Variants in POU6F2 observed in about 807,000 individuals in gnomAD.
POU6F2 encodes the protein POU domain, class 6, transcription factor 2.
In POU6F2, 31 loss-of-function variants were observed where a neutral mutation model predicts 71.3. The ratio of observed to expected loss-of-function variants is 0.43; its 90% CI spans 0.33 to 0.59. The LOEUF is 0.59. POU6F2 is among the 20% of genes least tolerant of loss of function. The pLI, the probability that POU6F2 is intolerant of heterozygous loss-of-function variation, is 0.04. For synonymous variants in POU6F2, 347 were observed against 355.7 expected (o/e 0.98, Z 0.27); for missense variants, 783 against 856.8 (o/e 0.91, Z 1.07).
intron 4 of POU6F2, among the ~76,000 whole-genome samples, chr7:39,278,774 C>T (rs1293339735): frequency 6.6e-6 from 1 of 152,154 alleles, no homozygotes; most frequent in Non-Finnish European, 1.5e-5. Flanking sequence ...GGGATGTGTG[C>T]CTGTCACCAA....
intron 5 of POU6F2, among the ~76,000 whole-genome samples, chr7:39,351,994 A>G (rs1186185663): frequency 1.3e-5 from 2 of 152,178 alleles, no homozygotes; most frequent in South Asian, 4.1e-4. Context: ...CTGTTGGAGG[A>G]AAGACTCTCA....
At chr7:39,231,476 T>C (rs576701237) in intron 4 of POU6F2, among the ~76,000 whole-genome samples, 1 of 152,308 alleles carries the variant, frequency 6.6e-6, no homozygotes, top group Middle Eastern at 3.4e-3. Flanking sequence ...ATTATACCCT[T>C]TTATATATGA....
At chr7:39,140,346 T>G (rs1283023474) in intron 2 of POU6F2, among the ~76,000 whole-genome samples, 2 of 152,196 alleles carry the variant, frequency 1.3e-5, no homozygotes, top group Non-Finnish European at 2.9e-5. Flanking sequence ...CCAAAATGGC[T>G]AGGGCATAGG....
At chr7:39,213,520 A>C (rs1414509759) in intron 4 of POU6F2, among the ~76,000 whole-genome samples, 2 of 152,178 alleles carry the variant, frequency 1.3e-5, no homozygotes, top group Non-Finnish European at 2.9e-5. Context: ...AAAACATTTA[A>C]TTATCTCTAA....
chr7:39,438,516 C>G (rs1159483658), intron 7 of POU6F2, among the ~76,000 whole-genome samples: 3 of 152,338 alleles, frequency 2.0e-5, no homozygotes, highest in Middle Eastern at 3.4e-3. Context: ...GATACCATCT[C>G]ACACCAGTTA....
intron 4 of POU6F2, among the ~76,000 whole-genome samples, chr7:39,270,932 T>A (rs1381710169): frequency 6.6e-6 from 1 of 152,126 alleles, no homozygotes; most frequent in Non-Finnish European, 1.5e-5. Flanking sequence ...CAAGACCCCT[T>A]CCGCCTTGAG....
intron 5 of POU6F2, among the ~76,000 whole-genome samples, chr7:39,359,467 C>G (rs906081042): frequency 4.6e-5 from 7 of 152,086 alleles, no homozygotes; most frequent in Non-Finnish European, 8.8e-5. Flanking sequence ...GAACTGTAAA[C>G]AGCCTTTGTA....
At chr7:39,404,005 T>C (rs1787362380) in intron 5 of POU6F2, among the ~76,000 whole-genome samples, 1 of 152,186 alleles carries the variant, frequency 6.6e-6, no homozygotes, top group Admixed American at 6.5e-5. Context: ...CCTACTGGAA[T>C]GACGGTAGGA....
intron 4 of POU6F2, among the ~76,000 whole-genome samples, chr7:39,258,226 T>C (rs540546078): frequency 6.6e-6 from 1 of 152,374 alleles, no homozygotes; most frequent in East Asian, 1.9e-4. Flanking sequence ...TATTTTTTTA[T>C]TGATTTGTCT....
intron 1 of POU6F2, among the ~76,000 whole-genome samples, chr7:39,045,196 C>T (rs1329574058): frequency 2.6e-5 from 4 of 151,966 alleles, no homozygotes; most frequent in Non-Finnish European, 1.5e-5. Flanking sequence ...ATCGCGAATT[C>T]GCATCCCGTA....
rs575830992 is a variant in POU6F2, at chr7:39,134,984, G to A, written c.277+48953G>A. Among the ~76,000 whole-genome samples the A allele has an allele frequency of 9.9e-5, 15 of 152,036 alleles. No individual in the cohort carries two copies. In the South Asian group the frequency reaches 3.1e-3, roughly 32 times the overall value. ...ATAGGCAATAACCTTAAAAAGTTATGAAGAGAACAATAAAAGAAAATGTAT... is the reference window on the plus strand; with the variant it reads ...ATAGGCAATAACCTTAAAAAGTTATAAAGAGAACAATAAAAGAAAATGTAT... On this transcript the variant is annotated intron_variant, in intron 2 of 9. Coordinates refer to ENST00000518318, the MANE Select transcript of POU6F2 (RefSeq NM_001370959.1).
intron 5 of POU6F2, among the ~76,000 whole-genome samples, chr7:39,372,099 T>C (rs1786624655): frequency 6.6e-6 from 1 of 152,156 alleles, no homozygotes; most frequent in Non-Finnish European, 1.5e-5. Context: ...TTTAAAATTT[T>C]TTGTAGGAAT....
chr7:39,440,795 G>A (rs1472941861), intron 7 of POU6F2, among the ~76,000 whole-genome samples: 1 of 152,112 alleles, frequency 6.6e-6, no homozygotes, highest in African/African-American at 2.4e-5. Flanking sequence ...TTTTTTCATT[G>A]ATTCTTTCTC....
At chr7:39,104,625 G>C (rs1482295805) in intron 2 of POU6F2, among the ~76,000 whole-genome samples, 1 of 152,198 alleles carries the variant, frequency 6.6e-6, no homozygotes, top group Non-Finnish European at 1.5e-5. Flanking sequence ...AGCCTTGGAA[G>C]TCAACAGCAT....
chr7:39,460,682 AG>A lies in POU6F2; in HGVS notation c.1628del (p.Gly543AlafsTer15). ...TQVGQALSAT[E>X]GPAYSQSAIC... Reference sequence around the variant, plus strand: ...GTGGGACAGGCTCTCAGTGCTACAGAGGGCCCCGCGTACAGCCAGTCGGCCA... The same window carrying A: ...GTGGGACAGGCTCTCAGTGCTACAGAGGCCCCGCGTACAGCCAGTCGGCCA... On this transcript the variant is annotated frameshift_variant, in exon 9 of 10. Coordinates refer to ENST00000518318, the MANE Select transcript of POU6F2 (RefSeq NM_001370959.1). LOFTEE classifies it high-confidence loss of function. The surrounding 1 kb of genome is among the most constrained non-coding windows in gnomAD (Gnocchi z 4.4). 6.2e-7 allele frequency: 1 copy of A among 1,608,030 alleles called. No individual in the cohort carries two copies. Among genetic ancestry groups the A allele is most frequent in the Non-Finnish European group, 8.5e-7 (1 of 1,177,212 alleles).
chr7:38,997,604 C>G (rs112575804), intron 1 of POU6F2, among the ~76,000 whole-genome samples: 24 of 152,230 alleles, frequency 1.6e-4, no homozygotes, highest in Admixed American at 6.5e-4. Context: ...GGGATTACCC[C>G]CTATGTAGAT....
chr7:39,017,689 A>G (rs989157202), intron 1 of POU6F2, among the ~76,000 whole-genome samples: 5 of 152,086 alleles, frequency 3.3e-5, no homozygotes, highest in African/African-American at 1.2e-4. Context: ...CAGTTCCTCA[A>G]ACATTCCAAG....
chr7:39,460,628 G>A lies in POU6F2; in HGVS notation c.1571G>A (p.Arg524His), dbSNP rs753589700. The A allele has an allele frequency of 1.2e-6, 2 of 1,610,520 alleles. No individual in the cohort carries two copies. The highest frequency in any genetic ancestry group is 1.7e-6 in the Non-Finnish European group (2 of 1,178,366). The change falls in exon 9 of 10, where the codon CGC (arginine) becomes CAC (histidine). Residue 524 changes from arginine to histidine, a missense_variant. Transcript: ENST00000518318. This position sits in a 1 kb window ranked among gnomAD's most constrained non-coding sequence, Gnocchi z 4.4. ...REFAKAFKIR[R>H]LSLGLTQTQV... ...TTTGCCAAAGCTTTTAAAATCCGGC[G>A]CCTGTCCCTTGGCCTGACCCAGACT...
rs181639736 is a variant in POU6F2, at chr7:39,415,354, G to A, written c.1113+8614G>A. On this transcript the variant is annotated intron_variant, in intron 6 of 9. Coordinates refer to ENST00000518318, the MANE Select transcript of POU6F2 (RefSeq NM_001370959.1). The stretch of plus-strand genomic sequence containing the variant: ...TTTAATTTTTATCCATGAGTATTTC[G>A]TTTTCCTGGGAATTGGGAAACGTTT... Among the ~76,000 whole-genome samples, 388 of 152,220 alleles carry A rather than the reference G, an allele frequency of 2.5e-3. 3 individuals are homozygous for A. Among genetic ancestry groups the A allele is most frequent in the African/African-American group, 9.0e-3 (375 of 41,532 alleles).
Sources: gnomAD v4.1 joint callset for allele counts (sites outside exome capture counted in the v4.1 genomes callset) on GRCh38, gnomAD v4.1.1 for gene constraint, Gnocchi (gnomAD v3.1) non-coding constraint, MANE v1.5 for transcripts, NCBI Gene and HGNC (gene_info 2026-07-23, HGNC 2026-07-21) for gene names.